The following CTBP1 variants were observed in gnomAD, a reference collection of about 807,000 sequenced individuals.
CTBP1 encodes the protein C-terminal-binding protein 1.
A neutral mutation model predicts 42.1 loss-of-function variants in CTBP1; 11 were observed. The observed-to-expected ratio is 0.26, with a 90% CI of 0.16 to 0.43. The LOEUF (loss-of-function observed/expected upper bound fraction) is 0.43, where lower values mean the gene tolerates loss of function less well. Among genes scored for constraint, CTBP1 ranks in the 20% least tolerant of loss-of-function variants. CTBP1 has a pLI of 1.00. For synonymous variants in CTBP1, 324 were observed against 277.1 expected, an observed-to-expected ratio of 1.17 and a Z score of -1.68; for missense variants, 399 against 624.3, an observed-to-expected ratio of 0.64 and a Z score of 3.85.
intron 3 of CTBP1, among the ~76,000 whole-genome samples, chr4:1,234,347 G>A (rs879169070): frequency 1.3e-5 from 2 of 152,120 alleles, no homozygotes; most frequent in East Asian, 1.9e-4. Context: ...CTGTGGCGCC[G>A]GCTCTGCTTC....
chr4:1,237,540 T>G (rs1577066647), intron 3 of CTBP1: 1 of 677,354 alleles, frequency 1.5e-6, no homozygotes, highest in Non-Finnish European at 2.7e-6. Context: ...AAACCCCGTG[T>G]CCACCTCCTG....
At chr4:1,247,265 G>A (rs1293412535) in intron 1 of CTBP1, among the ~76,000 whole-genome samples, 1 of 152,200 alleles carries the variant, frequency 6.6e-6, no homozygotes, top group East Asian at 1.9e-4. Context: ...GCAGGCGGAC[G>A]AGGCACCCCC....
intron 5 of CTBP1, chr4:1,221,931 G>A (rs1264625577): frequency 1.1e-5 from 4 of 353,106 alleles, no homozygotes; most frequent in African/African-American, 8.6e-5. Context: ...GGGCACCAGA[G>A]CCTCGTAGAG....
intron 3 of CTBP1, among the ~76,000 whole-genome samples, chr4:1,231,383 C>T (rs1023675657): frequency 6.6e-6 from 1 of 152,240 alleles, no homozygotes; most frequent in Non-Finnish European, 1.5e-5. Context: ...CAAGCCAACA[C>T]CCACTGATGT....
intron 5 of CTBP1, among the ~76,000 whole-genome samples, chr4:1,224,461 CAT>C (rs1250131255): frequency 2.0e-5 from 3 of 150,102 alleles, no homozygotes; most frequent in Non-Finnish European, 4.4e-5. Context: ...TGTGCGTGCC[CAT>C]GAGGCCTGTG....
At chr4:1,228,652 C>T (rs1327737509) in intron 3 of CTBP1, among the ~76,000 whole-genome samples, 3 of 131,142 alleles carry the variant, frequency 2.3e-5, no homozygotes, top group African/African-American at 5.9e-5. Flanking sequence ...TCCTTTTGAG[C>T]GTGCGCCCCA....
intron 6 of CTBP1, chr4:1,215,523 G>A (rs1322720581): frequency 8.3e-6 from 2 of 240,522 alleles, no homozygotes; most frequent in Non-Finnish European, 1.7e-5. Flanking sequence ...GGCAGAGGCC[G>A]ACCTGAGCAC....
In CTBP1 at chr4:1,237,095, G is replaced by A. The variant is rs118115252; in HGVS notation, c.162+1088C>T. 5.9e-4 allele frequency: 393 copies of A among 666,788 alleles called. No individual in the cohort carries two copies. The East Asian group carries it at 9.4e-3, about 16-fold the overall frequency. 41.3% of individuals were successfully genotyped at this position (666,788 alleles called of 1,614,324 possible). A position where few individuals can be genotyped will look rare whatever the true frequency, so the allele number is the denominator to read the frequency against. On this transcript the variant is annotated intron_variant, in intron 3 of 9. Coordinates refer to ENST00000382952, the MANE Select transcript of CTBP1 (RefSeq NM_001012614.2). ...AGGGAAAACCCCGTGTCCACCTCCTGATGAGGCTCAGGAGAAACCGAGTGT... is the reference window on the plus strand; with the variant it reads ...AGGGAAAACCCCGTGTCCACCTCCTAATGAGGCTCAGGAGAAACCGAGTGT...
intron 2 of CTBP1, among the ~76,000 whole-genome samples, chr4:1,239,489 G>A (rs930834876): frequency 2.0e-5 from 3 of 152,216 alleles, no homozygotes; most frequent in Admixed American, 1.3e-4. Flanking sequence ...AAGCACGCTC[G>A]GCCCAGTCTC....
intron 3 of CTBP1, among the ~76,000 whole-genome samples, chr4:1,234,001 G>C (rs1731227780): frequency 6.6e-6 from 1 of 152,200 alleles, no homozygotes; most frequent in South Asian, 2.1e-4. Context: ...TCCCCTCACA[G>C]TCCAAGGTGG....
In CTBP1 at chr4:1,241,267, G is replaced by A. The variant is rs376595957; in HGVS notation, c.7+58C>T. 957 of 785,048 alleles carry A rather than the reference G, an allele frequency of 1.2e-3. 1 individual carries two copies. The highest frequency in any genetic ancestry group is 1.9e-3 in the Non-Finnish European group (791 of 422,412). 48.6% of individuals were successfully genotyped at this position (785,048 alleles called of 1,614,324 possible). Reference sequence around the variant, plus strand: ...ATCCGAGGCAGTGCCTCCTCCACACGGTCGCAAAGAGACCGGCCGGCTTCA... The same window carrying A: ...ATCCGAGGCAGTGCCTCCTCCACACAGTCGCAAAGAGACCGGCCGGCTTCA... On this transcript the variant is annotated intron_variant, in intron 2 of 9. Transcript: ENST00000382952.
chr4:1,226,795 A>C (rs1680056), intron 4 of CTBP1, among the ~76,000 whole-genome samples: 41,635 of 150,250 alleles, frequency 0.28, 7,112 homozygotes, highest in Middle Eastern at 0.41. Flanking sequence ...AGGCGGGAGG[A>C]GGCTGGCACA....
At chr4:1,239,136 C>G (rs187184569) in intron 2 of CTBP1, among the ~76,000 whole-genome samples, 47 of 152,368 alleles carry the variant, frequency 3.1e-4, no homozygotes, top group Admixed American at 2.6e-3. Flanking sequence ...ATGATTAAAG[C>G]TCATTAACAC....
intron 2 of CTBP1, among the ~76,000 whole-genome samples, chr4:1,239,925 T>C (rs1731984353): frequency 6.6e-6 from 1 of 152,248 alleles, no homozygotes; most frequent in East Asian, 1.9e-4. Flanking sequence ...AGTGACACTG[T>C]ACATGGCCTC....
intron 6 of CTBP1, 193 bp downstream of exon 6, chr4:1,215,798 T>A (rs763652123): frequency 1.6e-6 from 1 of 615,410 alleles, no homozygotes; most frequent in South Asian, 2.0e-5. Context: ...ATGTCCTGAG[T>A]AGAACTCAGA....
intron 1 of CTBP1, chr4:1,243,684 G>T: frequency 1.0e-6 from 1 of 985,442 alleles, no homozygotes. Context: ...TCACGCCAGG[G>T]AGCTGGCCTC....
At chr4:1,221,782 C>G in intron 5 of CTBP1, 1 of 440,716 alleles carries the variant, frequency 2.3e-6, no homozygotes, top group South Asian at 1.6e-5. Flanking sequence ...GGAGCCTGCT[C>G]TGTCAACGTG....
chr4:1,229,917 G>T (rs1043592844), intron 3 of CTBP1, among the ~76,000 whole-genome samples: 1 of 152,210 alleles, frequency 6.6e-6, no homozygotes, highest in Non-Finnish European at 1.5e-5. Flanking sequence ...GGGCAGCAGG[G>T]GAGGGGAGCC....
chr4:1,226,061 G>A (rs766859389), intron 4 of CTBP1, among the ~76,000 whole-genome samples: 27 of 152,054 alleles, frequency 1.8e-4, no homozygotes, highest in South Asian at 4.2e-4. Context: ...AGCCCCTTCC[G>A]CCCTCCATGC....
Sources: allele counts gnomAD v4.1 joint callset (sites outside exome capture counted in the v4.1 genomes callset), GRCh38; gene constraint gnomAD v4.1.1; transcripts MANE v1.5; gene names NCBI Gene and HGNC (gene_info 2026-07-23, HGNC 2026-07-21).